Variants in KDM4B observed in about 807,000 individuals in gnomAD.
KDM4B encodes the protein lysine-specific demethylase 4B.
KDM4B carries 32 observed loss-of-function variants against 125.2 expected under a neutral mutation model. The ratio of observed to expected loss-of-function variants is 0.26; its 90% CI spans 0.19 to 0.34. The LOEUF is 0.34. KDM4B is among the 10% of genes least tolerant of loss of function. The probability of loss-of-function intolerance (pLI) is 1.00; values close to 1 mark genes in which losing one functional copy is unlikely to be tolerated. For missense variants in KDM4B, 1,190 were observed against 1,577.7 expected (o/e 0.75, Z 4.16); for synonymous variants, 721 against 677.9 (o/e 1.06, Z -0.99).
chr19:4,980,381 T>TCCA (rs950891803), intron 1 of KDM4B, among the ~76,000 whole-genome samples: 1 of 151,428 alleles, frequency 6.6e-6, no homozygotes, highest in Non-Finnish European at 1.5e-5. Flanking sequence ...TCAAGGTGTA[T>TCCA]CCACGCATGG....
chr19:4,990,709 G>A (rs759788094), intron 1 of KDM4B, among the ~76,000 whole-genome samples: 27 of 152,194 alleles, frequency 1.8e-4, no homozygotes, highest in Non-Finnish European at 3.5e-4. Flanking sequence ...GAGAATATTC[G>A]ATGAGATGGC....
intron 9 of KDM4B, among the ~76,000 whole-genome samples, chr19:5,097,645 C>T (rs10407921): frequency 0.18 from 27,546 of 152,222 alleles, 2,613 homozygotes; most frequent in Middle Eastern, 0.22. Flanking sequence ...GAGCAGGGAC[C>T]GTAGGATGTC....
At chr19:5,113,048 G>A (rs777646819) in intron 10 of KDM4B, 2 of 152,342 alleles carry the variant, frequency 1.3e-5, no homozygotes, top group Non-Finnish European at 2.9e-5. Flanking sequence ...CTGCCAGGAG[G>A]AGATGCGGAA....
rs1599478922 is a variant in KDM4B, at chr19:5,040,632, C to A, written c.318-505C>A. Among the ~76,000 whole-genome samples, 3 of 152,318 alleles carry A rather than the reference C, an allele frequency of 2.0e-5. No individual in the cohort carries two copies. The East Asian group carries it at 5.8e-4, about 29-fold the overall frequency. On this transcript the variant is annotated intron_variant, in intron 4 of 22. Coordinates refer to ENST00000159111, the MANE Select transcript of KDM4B (RefSeq NM_015015.3). ...TGGTTCAGCAGGCACAGCCACGTAGCCTCCGTGCTGCGCAGGCCTGTCCCG... is the reference window on the plus strand; with the variant it reads ...TGGTTCAGCAGGCACAGCCACGTAGACTCCGTGCTGCGCAGGCCTGTCCCG...
intron 11 of KDM4B, among the ~76,000 whole-genome samples, chr19:5,129,105 G>A (rs948501439): frequency 1.3e-5 from 2 of 152,208 alleles, no homozygotes; most frequent in Admixed American, 6.5e-5. Flanking sequence ...TGAGAAACAG[G>A]TGGGCGTGTG....
rs2039222224 is a variant in KDM4B, at chr19:5,114,729, C to T, written c.1115+3911C>T. On this transcript the variant is annotated intron_variant, in intron 10 of 22. Coordinates refer to ENST00000159111, the MANE Select transcript of KDM4B (RefSeq NM_015015.3). This position sits in a 1 kb window ranked among gnomAD's most constrained non-coding sequence, Gnocchi z 5.8. ...GGGCCAGCCTCCCAGTCCTCCCCACCTTGTGAGAAGCCCTGAGCCAGCGCG... is the reference window on the plus strand; with the variant it reads ...GGGCCAGCCTCCCAGTCCTCCCCACTTTGTGAGAAGCCCTGAGCCAGCGCG... Among the ~76,000 whole-genome samples, 1 of 152,226 alleles carries T rather than the reference C, an allele frequency of 6.6e-6. No individual in the cohort carries two copies. Among genetic ancestry groups the T allele is most frequent in the African/African-American group, 2.4e-5 (1 of 41,456 alleles).
chr19:5,073,329 T>C (rs1026524767), intron 7 of KDM4B, among the ~76,000 whole-genome samples: 2 of 152,370 alleles, frequency 1.3e-5, no homozygotes, highest in African/African-American at 4.8e-5. Flanking sequence ...ACCTCTCTAC[T>C]GCCACAGGGC....
intron 11 of KDM4B, among the ~76,000 whole-genome samples, chr19:5,130,852 T>C (rs567018104): frequency 1.3e-5 from 2 of 152,340 alleles, no homozygotes; most frequent in Non-Finnish European, 2.9e-5. Flanking sequence ...CTGCTGCGCC[T>C]GCGTTGTGGG....
Position 5,130,519 on chromosome 19 carries a change from CAT to C in KDM4B, c.1316-556_1316-555del, listed in dbSNP as rs139816579. Reference sequence around the variant, plus strand: ...CCCATCTGACGCTTCCTGGTTCGCTCATGTGACCGCCAGGTTGGGGTTCGTTG... The same window carrying C: ...CCCATCTGACGCTTCCTGGTTCGCTCGTGACCGCCAGGTTGGGGTTCGTTG... On this transcript the variant is annotated intron_variant, in intron 11 of 22. Coordinates refer to ENST00000159111, the MANE Select transcript of KDM4B (RefSeq NM_015015.3). Among the ~76,000 whole-genome samples the C allele has an allele frequency of 2.5e-3, 380 of 152,350 alleles. 3 individuals are homozygous for C. The highest frequency in any genetic ancestry group is 8.5e-3 in the African/African-American group (352 of 41,574).
At position 5,035,880 on chromosome 19, in the gene KDM4B, T is replaced by TGTGTGTGTGTGCGCGC. The variant is rs58219404; in HGVS notation, c.141+2850_141+2851insTGTGTGTGTGCGCGCG. Among the ~76,000 whole-genome samples, 68 of 136,500 alleles carry TGTGTGTGTGTGCGCGC rather than the reference T, an allele frequency of 5.0e-4. No individual in the cohort carries two copies. Among genetic ancestry groups the TGTGTGTGTGTGCGCGC allele is most frequent in the African/African-American group, 1.2e-3 (45 of 37,902 alleles). The allele number at this position is 136,500 out of a possible 152,430, so 89.5% of individuals were successfully genotyped here. ...ACGTGTCTCTGTGTGTGTGTGTGTG[T>TGTGTGTGTGTGCGCGC]GCGCGCGCGCGCGCGCCTGCGCGCA... is the stretch of plus-strand genomic sequence containing the variant. On this transcript the variant is annotated intron_variant, in intron 3 of 22. Transcript: ENST00000159111. This position sits in a 1 kb window ranked among gnomAD's most constrained non-coding sequence, Gnocchi z 5.3.
rs1463163014 is a variant in KDM4B at position 5,114,231 on chromosome 19, C to T, written c.1115+3413C>T. 3 of 1,288,866 alleles carry T rather than the reference C, an allele frequency of 2.3e-6. No homozygotes were observed. The highest frequency in any genetic ancestry group is 3.0e-5 in the African/African-American group (2 of 65,868). The allele number at this position is 1,288,866 out of a possible 1,614,324, so 79.8% of individuals were successfully genotyped here. On this transcript the variant is annotated intron_variant, in intron 10 of 22. Transcript: ENST00000159111. The surrounding 1 kb of genome is among the most constrained non-coding windows in gnomAD (Gnocchi z 5.8). ...GCACGTGCTCCAGCAGGTACGCGCT[C>T]CCTGCAGGACATCTGTGCACCCGCC... is the stretch of plus-strand genomic sequence containing the variant.
chr19:4,983,202 C>T (rs1018665085), intron 1 of KDM4B, among the ~76,000 whole-genome samples: 1 of 150,268 alleles, frequency 6.7e-6, no homozygotes, highest in Non-Finnish European at 1.5e-5. Flanking sequence ...GCTGGCCCTA[C>T]GTGGTTGATC....
At chr19:5,133,387 C>T (rs1209052999) in intron 13 of KDM4B, among the ~76,000 whole-genome samples, 7 of 152,194 alleles carry the variant, frequency 4.6e-5, no homozygotes, top group African/African-American at 1.7e-4. Context: ...CCCTTGAGTT[C>T]AGTGAGTCTG....
At chr19:5,137,213 C>G (rs2039664044) in intron 15 of KDM4B, 49 bp from the exon 16 acceptor site, 1 of 1,463,618 alleles carries the variant, frequency 6.8e-7, no homozygotes, top group East Asian at 2.5e-5. Context: ...CTCGGCTCCC[C>G]AAGTCTCACC....
chr19:5,118,744 G>A (rs1683671880), intron 10 of KDM4B, among the ~76,000 whole-genome samples: 1 of 152,188 alleles, frequency 6.6e-6, no homozygotes, highest in Non-Finnish European at 1.5e-5. Context: ...TCATTTCTAA[G>A]AAGTCTCAGC....
At chr19:5,099,294 G>A (rs1194790607) in intron 9 of KDM4B, among the ~76,000 whole-genome samples, 2 of 152,186 alleles carry the variant, frequency 1.3e-5, no homozygotes, top group Admixed American at 6.5e-5. Context: ...GATTTACAAC[G>A]AGAAGCCATG....
At chr19:5,080,298 T>C (rs2038250184) in intron 8 of KDM4B, among the ~76,000 whole-genome samples, 1 of 152,238 alleles carries the variant, frequency 6.6e-6, no homozygotes, top group Non-Finnish European at 1.5e-5. Flanking sequence ...TATTGGCGAC[T>C]TCAGTGTATC....
At chr19:5,110,263 G>T (rs2039114139) in intron 9 of KDM4B, among the ~76,000 whole-genome samples, 1 of 152,188 alleles carries the variant, frequency 6.6e-6, no homozygotes, top group Admixed American at 6.5e-5. Context: ...TTGAACCCAG[G>T]AGTTCAAGAC....
chr19:5,106,547 C>T (rs2039038781), intron 9 of KDM4B, among the ~76,000 whole-genome samples: 2 of 152,336 alleles, frequency 1.3e-5, no homozygotes, highest in East Asian at 3.9e-4. Context: ...CCGCAGGACC[C>T]AGCAGCCACC....
Sources: allele counts gnomAD v4.1 joint callset (sites outside exome capture counted in the v4.1 genomes callset), GRCh38; gene constraint gnomAD v4.1.1; non-coding constraint Gnocchi (gnomAD v3.1); transcripts MANE v1.5; gene names NCBI Gene and HGNC (gene_info 2026-07-23, HGNC 2026-07-21).